The following CHD7 variants were observed in gnomAD, a reference collection of about 807,000 sequenced individuals.
CHD7 encodes the protein ATP-dependent chromatin remodeler CHD7.
A neutral mutation model predicts 307.3 loss-of-function variants in CHD7; 24 were observed. The ratio of observed to expected loss-of-function variants is 0.08; its 90% CI spans 0.06 to 0.11. CHD7 has a LOEUF of 0.11. Ranked by LOEUF, CHD7 falls within the 10% of genes least tolerant of loss-of-function variation. CHD7 has a pLI of 1.00. For missense variants in CHD7, 3,106 were observed against 3,727.1 expected (o/e 0.83, Z 4.34); for synonymous variants, 1,363 against 1,349.9 (o/e 1.01, Z -0.21).
chr8:60,707,619 C>A (rs1206827637), intron 1 of CHD7, among the ~76,000 whole-genome samples: 1 of 152,156 alleles, frequency 6.6e-6, no homozygotes, highest in African/African-American at 2.4e-5. Context: ...TAATAGATGA[C>A]CAGCACTTGT....
intron 3 of CHD7, among the ~76,000 whole-genome samples, chr8:60,783,423 A>G (rs1451054544): frequency 6.6e-6 from 1 of 152,338 alleles, no homozygotes; most frequent in Non-Finnish European, 1.5e-5. Context: ...TATCCACTAG[A>G]GAAACATTCA....
chr8:60,754,321 A>G (rs1809782017), intron 2 of CHD7, among the ~76,000 whole-genome samples: 1 of 152,342 alleles, frequency 6.6e-6, no homozygotes, highest in Admixed American at 6.5e-5. Context: ...TTCTTGATAC[A>G]GTGATTGTAC....
intron 1 of CHD7, among the ~76,000 whole-genome samples, chr8:60,729,650 C>T (rs979855461): frequency 1.3e-5 from 2 of 152,174 alleles, no homozygotes; most frequent in African/African-American, 4.8e-5. Flanking sequence ...GTGCCTGGTT[C>T]TGTTTGTAAT....
chr8:60,848,973 G>C (rs565055931), intron 24 of CHD7, 78 bp from the exon 25 acceptor site: 1 of 1,112,238 alleles, frequency 9.0e-7, no homozygotes, highest in Admixed American at 1.7e-5. Context: ...GGGAGAGAGG[G>C]CATGTGAGCT....
chr8:60,679,638 CG>C, intron 1 of CHD7: 1 of 146,298 alleles, frequency 6.8e-6, no homozygotes, highest in African/African-American at 2.5e-5. Context: ...GGCGGCGGCT[CG>C]GGGACGGCGG....
chr8:60,824,320 A>G, intron 13 of CHD7: 3 of 396,710 alleles, frequency 7.6e-6, no homozygotes, highest in Admixed American at 8.5e-5. Flanking sequence ...CCAAATACAA[A>G]AATCCCAGAA....
chr8:60,796,776 T>C (rs912232576), intron 4 of CHD7, among the ~76,000 whole-genome samples: 1 of 152,210 alleles, frequency 6.6e-6, no homozygotes, highest in African/African-American at 2.4e-5. Flanking sequence ...AGCTGTGTTT[T>C]CTTGGTATGT....
rs1331200503 is a variant in CHD7 at position 60,800,533 on chromosome 8, C to A, written c.2376+8C>A. On this transcript the variant is annotated splice_region_variant and intron_variant, in intron 5 of 37. Coordinates refer to ENST00000423902, the MANE Select transcript of CHD7 (RefSeq NM_017780.4). Reference sequence around the variant, plus strand: ...TCCCAGTCAGAACAGCAGGTTAGTACCAGATCTGTGGGATTTATGGATGCA... The same window carrying A: ...TCCCAGTCAGAACAGCAGGTTAGTAACAGATCTGTGGGATTTATGGATGCA... 6.2e-7 allele frequency: 1 copy of A among 1,603,316 alleles called. No homozygotes were observed. Among genetic ancestry groups the A allele is most frequent in the Non-Finnish European group, 8.5e-7 (1 of 1,175,688 alleles).
chr8:60,819,977 C>T, intron 8 of CHD7, 30 bp from the exon 9 acceptor site: 1 of 1,444,326 alleles, frequency 6.9e-7, no homozygotes, highest in Non-Finnish European at 9.6e-7. Context: ...ATAAGTAAAC[C>T]TTTAACTTTT....
At chr8:60,850,835 C>T in intron 26 of CHD7, 197 bp from the exon 27 acceptor site, 1 of 699,784 alleles carries the variant, frequency 1.4e-6, no homozygotes, top group South Asian at 2.0e-5. Flanking sequence ...TTCCAAATGT[C>T]ATTTCCCGCA....
In CHD7 at chr8:60,852,681, T is replaced by C; in HGVS notation, c.6078T>C (p.Cys2026=). 6.2e-7 allele frequency: 1 copy of C among 1,613,912 alleles called. No individual in the cohort carries two copies. The highest frequency in any genetic ancestry group is 1.3e-5 in the African/African-American group (1 of 75,018). Residue 2026 remains cysteine (C), a synonymous_variant, in exon 30 of 38, where the codon TGT becomes TGC. Transcript: ENST00000423902. ...SCFVAMCRRV[C]RMPVKPDDEP... ...TTGTGGCCATGTGTAGGCGAGTATGTCGAATGCCCGTCAAGCCAGATGATG... is the reference window on the plus strand; with the variant it reads ...TTGTGGCCATGTGTAGGCGAGTATGCCGAATGCCCGTCAAGCCAGATGATG...
Position 60,838,262 on chromosome 8 carries a change from A to C in CHD7, c.4533+7A>C, listed in dbSNP as rs1248727753. ...AGGTTCCACATTTGCTAAGGTGTGA[A>C]TCGATCTAAAGAGGCCAGGTTTTCC... On this transcript the variant is annotated splice_region_variant and intron_variant, in intron 19 of 37. Transcript: ENST00000423902. 8.8e-6 allele frequency: 14 copies of C among 1,597,136 alleles called. No homozygotes were observed. Among genetic ancestry groups the C allele is most frequent in the Non-Finnish European group, 1.1e-5 (13 of 1,171,500 alleles).
chr8:60,735,339 G>A (rs146898207), intron 1 of CHD7, among the ~76,000 whole-genome samples: 12 of 152,310 alleles, frequency 7.9e-5, no homozygotes, highest in African/African-American at 2.9e-4. Flanking sequence ...TATTAAAAAT[G>A]TGTCTCTTCT....
chr8:60,723,421 T>G (rs1330420192), intron 1 of CHD7, among the ~76,000 whole-genome samples: 2 of 152,288 alleles, frequency 1.3e-5, no homozygotes, highest in South Asian at 2.1e-4. Context: ...TATACCTCAG[T>G]TATGCAATCT....
intron 1 of CHD7, among the ~76,000 whole-genome samples, chr8:60,701,492 G>A (rs1287458192): frequency 6.6e-6 from 1 of 152,198 alleles, no homozygotes; most frequent in Non-Finnish European, 1.5e-5. Context: ...ATGGAAAGGG[G>A]ATTCCTTACC....
At chr8:60,818,296 T>G (rs1193861669) in intron 8 of CHD7, among the ~76,000 whole-genome samples, 1 of 152,232 alleles carries the variant, frequency 6.6e-6, no homozygotes, top group African/African-American at 2.4e-5. Context: ...TTCAAAAACA[T>G]CATTTAGACT....
intron 1 of CHD7, among the ~76,000 whole-genome samples, chr8:60,690,232 C>G (rs1036984928): frequency 2.0e-5 from 3 of 151,754 alleles, no homozygotes; most frequent in African/African-American, 7.3e-5. Context: ...ATACTGCTTT[C>G]TCCCACACGA....
chr8:60,835,868 G>T (rs559686604), intron 15 of CHD7, among the ~76,000 whole-genome samples: 10 of 152,282 alleles, frequency 6.6e-5, no homozygotes, highest in Non-Finnish European at 8.8e-5. Context: ...ATGCCTCAAT[G>T]TGTTGTGCTT....
intron 23 of CHD7, among the ~76,000 whole-genome samples, chr8:60,846,025 G>A (rs527847001): frequency 1.3e-4 from 20 of 152,202 alleles, no homozygotes; most frequent in South Asian, 4.1e-4. Flanking sequence ...TTTGTGTTAC[G>A]GTGTCAGAAT....
Sources: allele counts gnomAD v4.1 joint callset (sites outside exome capture counted in the v4.1 genomes callset), GRCh38; gene constraint gnomAD v4.1.1; transcripts MANE v1.5; gene names NCBI Gene and HGNC (gene_info 2026-07-23, HGNC 2026-07-21).